The following SLC39A11 variants were observed in gnomAD, a reference collection of about 807,000 sequenced individuals.
SLC39A11 encodes the protein solute carrier family 39 member 11, also known as zinc transporter ZIP11.
A neutral mutation model predicts 36.1 loss-of-function variants in SLC39A11; 33 were observed. The observed-to-expected ratio is 0.91, with a 90% CI of 0.69 to 1.22. The LOEUF is 1.22. Ranked by LOEUF, SLC39A11 falls within the 50% of genes most tolerant of loss-of-function variation. The pLI, the probability that SLC39A11 is intolerant of heterozygous loss-of-function variation, is 0.00. For missense variants in SLC39A11, 432 were observed against 430.3 expected (o/e 1.00, Z -0.03); for synonymous variants, 166 against 170.3 (o/e 0.97, Z 0.20).
chr17:72,729,768 T>G (rs1030592349), intron 7 of SLC39A11, among the ~76,000 whole-genome samples: 1 of 151,868 alleles, frequency 6.6e-6, no homozygotes, highest in African/African-American at 2.4e-5. Context: ...ATGCTCCTGA[T>G]GAAATGTAGA....
intron 6 of SLC39A11, among the ~76,000 whole-genome samples, chr17:72,740,477 TGTCTG>T (rs2074644651): frequency 1.3e-5 from 2 of 152,172 alleles, no homozygotes; most frequent in African/African-American, 4.8e-5. Context: ...AGGAGTTGTG[TGTCTG>T]AAATGGTAGG....
At position 72,647,328 on chromosome 17, in the gene SLC39A11, AAG is replaced by A. The variant is rs914556237; in HGVS notation, c.*254_*255del. ...CTGAAGTTCCTTGATAATCCCACTG[AAG>A]AGAGAGTCCATTCAGTGGCCAAAAC... On this transcript the variant is annotated 3_prime_UTR_variant, in exon 10 of 10. Coordinates refer to ENST00000255559, the MANE Select transcript of SLC39A11 (RefSeq NM_139177.4). 3 of 311,542 alleles carry A rather than the reference AAG, an allele frequency of 9.6e-6. No individual in the cohort carries two copies. The highest frequency in any genetic ancestry group is 1.2e-5 in the Non-Finnish European group (2 of 167,838). 19.3% of individuals were successfully genotyped at this position (311,542 alleles called of 1,614,324 possible). A position where few individuals can be genotyped will look rare whatever the true frequency, so the allele number is the denominator to read the frequency against.
intron 7 of SLC39A11, among the ~76,000 whole-genome samples, chr17:72,668,974 G>A (rs138367402): frequency 1.9e-3 from 288 of 152,198 alleles, no homozygotes; most frequent in African/African-American, 6.3e-3. Flanking sequence ...CAAATAAAAC[G>A]ATACAAGGGA....
intron 7 of SLC39A11, among the ~76,000 whole-genome samples, chr17:72,732,160 G>A (rs751563761): frequency 1.4e-5 from 2 of 144,746 alleles, no homozygotes; most frequent in African/African-American, 2.6e-5. Flanking sequence ...GGGATCAAAG[G>A]CACCTACCAC....
At chr17:72,709,796 AC>A (rs1190755399) in intron 7 of SLC39A11, among the ~76,000 whole-genome samples, 3 of 152,198 alleles carry the variant, frequency 2.0e-5, no homozygotes, top group Non-Finnish European at 4.4e-5. Flanking sequence ...TTTATAAGTA[AC>A]CTGCTTTTCC....
chr17:73,003,744 G>T (rs949980825), intron 4 of SLC39A11, among the ~76,000 whole-genome samples: 1 of 152,072 alleles, frequency 6.6e-6, no homozygotes, highest in Non-Finnish European at 1.5e-5. Flanking sequence ...ACCAAGATCC[G>T]GGATAATCAC....
intron 5 of SLC39A11, among the ~76,000 whole-genome samples, chr17:72,913,145 TAGG>T (rs1159989014): frequency 6.6e-6 from 1 of 151,582 alleles, no homozygotes; most frequent in African/African-American, 2.4e-5. Context: ...GAAAGTTAGA[TAGG>T]AGGTAAGAGG....
chr17:73,079,320 C>G (rs1253158107), intron 3 of SLC39A11, among the ~76,000 whole-genome samples: 6 of 152,118 alleles, frequency 3.9e-5, no homozygotes, highest in African/African-American at 1.4e-4. Context: ...TGGTCTCAAA[C>G]TTCTGACCTT....
intron 4 of SLC39A11, among the ~76,000 whole-genome samples, chr17:72,983,190 C>A (rs781385732): frequency 5.9e-5 from 9 of 151,824 alleles, no homozygotes; most frequent in Non-Finnish European, 8.8e-5. Flanking sequence ...CACTCTGTAG[C>A]CCAGGCTGGG....
At chr17:73,014,643 C>T (rs948633840) in intron 4 of SLC39A11, among the ~76,000 whole-genome samples, 12 of 152,158 alleles carry the variant, frequency 7.9e-5, no homozygotes, top group African/African-American at 2.9e-4. Flanking sequence ...GGTGACAGAG[C>T]GAAACCCTTT....
chr17:72,980,106 G>A (rs2088188459), intron 4 of SLC39A11, among the ~76,000 whole-genome samples: 1 of 152,150 alleles, frequency 6.6e-6, no homozygotes, highest in East Asian at 1.9e-4. Flanking sequence ...GGACCCAGGT[G>A]CTTATTTATG....
At chr17:73,005,027 G>A (rs1029700571) in intron 4 of SLC39A11, among the ~76,000 whole-genome samples, 6 of 152,082 alleles carry the variant, frequency 3.9e-5, no homozygotes, top group African/African-American at 7.2e-5. Context: ...ACAGAGTCTC[G>A]CTCCTTCCCC....
chr17:72,729,666 C>T (rs1253069345), intron 7 of SLC39A11, among the ~76,000 whole-genome samples: 3 of 150,016 alleles, frequency 2.0e-5, no homozygotes, highest in Middle Eastern at 3.2e-3. Flanking sequence ...TCGGTTTGTC[C>T]ACCAGCCCTG....
chr17:72,677,758 T>C (rs2071336202), intron 7 of SLC39A11, among the ~76,000 whole-genome samples: 1 of 152,032 alleles, frequency 6.6e-6, no homozygotes, highest in Non-Finnish European at 1.5e-5. Context: ...TCAATTTTGG[T>C]CCTCCTCCCT....
At chr17:72,868,282 A>C (rs912441715) in intron 5 of SLC39A11, among the ~76,000 whole-genome samples, 2 of 152,178 alleles carry the variant, frequency 1.3e-5, no homozygotes, top group African/African-American at 4.8e-5. Flanking sequence ...AAATAAGTAA[A>C]ACTCCCCAAC....
rs1343069209 is a variant in SLC39A11 at position 72,662,599 on chromosome 17, AAAGG to A, written c.672-13335_672-13332del. Among the ~76,000 whole-genome samples, 12 of 142,816 alleles carry A rather than the reference AAAGG, an allele frequency of 8.4e-5. No individual in the cohort carries two copies. The East Asian group carries it at 1.0e-3, about 12-fold the overall frequency. The allele number at this position is 142,816 out of a possible 152,430, so 93.7% of individuals were successfully genotyped here. ...GAAAGAAAGGAAGGAAAAGGAAAGA[AAAGG>A]AAGGAAGGAAGGAGAGAAGAAAGAG... On this transcript the variant is annotated intron_variant, in intron 7 of 9. Transcript: ENST00000255559.
intron 7 of SLC39A11, 66 bp from the exon 8 acceptor site, chr17:72,649,334 T>C (rs2069736507): frequency 3.4e-6 from 5 of 1,467,440 alleles, no homozygotes; most frequent in Non-Finnish European, 4.7e-6. Context: ...TGGGAGTCCC[T>C]GGCCGAGGCC....
At position 73,088,713 on chromosome 17, in the gene SLC39A11, T is replaced by G; in HGVS notation, c.52A>C (p.Thr18Pro). 2 of 1,612,372 alleles carry G rather than the reference T, an allele frequency of 1.2e-6. No individual in the cohort carries two copies. The highest frequency in any genetic ancestry group is 1.7e-6 in the Non-Finnish European group (2 of 1,179,330). ...GCCCCAGCTGCTGTCATCCCCCAGGTGAAGAAGGTCCCCAGCAAGGCCTGG... is the reference window on the plus strand; with the variant it reads ...GCCCCAGCTGCTGTCATCCCCCAGGGGAAGAAGGTCCCCAGCAAGGCCTGG... ...VFQALLGTFF[T>P]WGMTAAGAAL... Residue 18 changes from threonine to proline, a missense_variant, in exon 2 of 10, where the codon ACC (threonine) becomes CCC (proline). Physicochemically the swap from Thr to Pro is conservative, Grantham distance 38. Coordinates refer to ENST00000255559, the MANE Select transcript of SLC39A11 (RefSeq NM_139177.4).
chr17:72,699,555 C>T (rs1436405074), intron 7 of SLC39A11, among the ~76,000 whole-genome samples: 1 of 152,242 alleles, frequency 6.6e-6, no homozygotes, highest in African/African-American at 2.4e-5. Context: ...TCCATTCATT[C>T]ATTAATAACA....
Sources: gnomAD v4.1 joint callset for allele counts (sites outside exome capture counted in the v4.1 genomes callset) on GRCh38, gnomAD v4.1.1 for gene constraint, MANE v1.5 for transcripts, NCBI Gene and HGNC (gene_info 2026-07-23, HGNC 2026-07-21) for gene names.